PLPP4: variants seen among roughly 807,000 people sequenced by gnomAD.
PLPP4 encodes the protein diacylglycerol pyrophosphate like 2.
Under a neutral mutation model 32.2 loss-of-function variants are expected in PLPP4, and 20 were observed. That is an observed-to-expected ratio of 0.62 (90% confidence interval 0.44 to 0.90). The LOEUF is 0.90. Among genes scored for constraint, PLPP4 ranks in the 40% least tolerant of loss-of-function variants. The pLI is 0.00. For missense variants in PLPP4, 257 were observed against 353.1 expected (o/e 0.73, Z 2.18); for synonymous variants, 127 against 133.0 (o/e 0.95, Z 0.31).
chr10:120,499,632 A>G (rs1328751271), intron 1 of PLPP4, among the ~76,000 whole-genome samples: 1 of 152,130 alleles, frequency 6.6e-6, no homozygotes, highest in Non-Finnish European at 1.5e-5. Flanking sequence ...GGTTTGATCT[A>G]CAGATCGGCA....
intron 3 of PLPP4, among the ~76,000 whole-genome samples, chr10:120,516,263 G>T (rs1482117358): frequency 6.6e-6 from 1 of 152,180 alleles, no homozygotes; most frequent in Non-Finnish European, 1.5e-5. Flanking sequence ...CGACCAGGAG[G>T]TTTAGTTCTT....
chr10:120,532,207 C>T (rs1310158826), intron 5 of PLPP4, among the ~76,000 whole-genome samples: 1 of 152,110 alleles, frequency 6.6e-6, no homozygotes, highest in Non-Finnish European at 1.5e-5. Flanking sequence ...TGATGGTTTC[C>T]AGCTTCATCC....
intron 5 of PLPP4, among the ~76,000 whole-genome samples, chr10:120,560,782 TATTA>T (rs1276199781): frequency 6.6e-6 from 1 of 152,060 alleles, no homozygotes; most frequent in African/African-American, 2.4e-5. Flanking sequence ...AAAATAGTGG[TATTA>T]ATTTTAATGG....
intron 1 of PLPP4, among the ~76,000 whole-genome samples, chr10:120,487,871 G>C (rs1357229219): frequency 6.6e-6 from 1 of 152,238 alleles, no homozygotes; most frequent in African/African-American, 2.4e-5. Context: ...CTGGCTTCCA[G>C]AGTTGGTGGC....
chr10:120,549,275 A>G (rs1847776267), intron 5 of PLPP4, among the ~76,000 whole-genome samples: 1 of 151,298 alleles, frequency 6.6e-6, no homozygotes, highest in South Asian at 2.1e-4. Flanking sequence ...ATGCCAACAA[A>G]TTTAAAAACT....
intron 1 of PLPP4, among the ~76,000 whole-genome samples, chr10:120,496,422 A>T (rs904661614): frequency 6.6e-6 from 1 of 152,130 alleles, no homozygotes; most frequent in African/African-American, 2.4e-5. Flanking sequence ...TGTGATAGAT[A>T]CATACCTTGG....
chr10:120,586,696 C>A (rs533389973), intron 6 of PLPP4, among the ~76,000 whole-genome samples: 1 of 152,300 alleles, frequency 6.6e-6, no homozygotes, highest in East Asian at 1.9e-4. Flanking sequence ...ATGCTGTGAG[C>A]AAGATGTTGG....
At chr10:120,466,948 A>G (rs1848350783) in intron 1 of PLPP4, among the ~76,000 whole-genome samples, 1 of 152,224 alleles carries the variant, frequency 6.6e-6, no homozygotes. Context: ...GTGTAATAAT[A>G]ATGACAATGA....
intron 2 of PLPP4, among the ~76,000 whole-genome samples, chr10:120,506,665 T>A (rs1303948088): frequency 6.6e-6 from 1 of 152,234 alleles, no homozygotes; most frequent in Non-Finnish European, 1.5e-5. Flanking sequence ...GTCATCTGTG[T>A]GCAATTTAGA....
chr10:120,589,346 T>C lies in PLPP4; in HGVS notation c.660T>C (p.Ile220=). The C allele has an allele frequency of 6.2e-7, 1 of 1,614,158 alleles. No individual in the cohort carries two copies. Among genetic ancestry groups the C allele is most frequent in the Non-Finnish European group, 8.5e-7 (1 of 1,180,030 alleles). ...GGVIGLIFAY[I]CYRQHYPPLA... ...TCATCGGCCTCATTTTTGCATACAT[T>C]TGCTACAGACAGCACTATCCTCCTC... is the stretch of plus-strand genomic sequence containing the variant. Residue 220 remains isoleucine (I), a synonymous_variant, in exon 7 of 7, where the codon ATT becomes ATC. Coordinates refer to ENST00000398250, the MANE Select transcript of PLPP4 (RefSeq NM_001030059.3).
chr10:120,523,255 T>C (rs901128414), intron 5 of PLPP4, among the ~76,000 whole-genome samples: 6 of 151,988 alleles, frequency 3.9e-5, no homozygotes, highest in Non-Finnish European at 8.8e-5. Flanking sequence ...TGACCTAAGA[T>C]TGTGCCAGTG....
intron 1 of PLPP4, among the ~76,000 whole-genome samples, chr10:120,472,416 T>C (rs925200125): frequency 3.3e-5 from 5 of 152,148 alleles, no homozygotes; most frequent in Non-Finnish European, 7.4e-5. Context: ...TTGCATTATC[T>C]TGTGGATTCC....
At chr10:120,521,474 A>G (rs1846152733) in intron 5 of PLPP4, among the ~76,000 whole-genome samples, 1 of 152,238 alleles carries the variant, frequency 6.6e-6, no homozygotes, top group Admixed American at 6.5e-5. Context: ...GTGTACACAA[A>G]TATATAGCAC....
chr10:120,581,754 G>A (rs144090345), intron 6 of PLPP4, among the ~76,000 whole-genome samples: 16 of 152,014 alleles, frequency 1.1e-4, no homozygotes, highest in East Asian at 3.9e-4. Flanking sequence ...CACCTTCTCC[G>A]TCTCGTGATG....
chr10:120,474,305 T>C (rs1445143317), intron 1 of PLPP4, among the ~76,000 whole-genome samples: 1 of 151,878 alleles, frequency 6.6e-6, no homozygotes, highest in Non-Finnish European at 1.5e-5. Context: ...TTTTTACTTT[T>C]ACCATGACTA....
chr10:120,457,062 A>C, upstream of PLPP4: 4 of 190,878 alleles, frequency 2.1e-5, no homozygotes, highest in Non-Finnish European at 4.2e-5. Context: ...GCTCCGCACT[A>C]GGAGGCGGGG....
intron 6 of PLPP4, among the ~76,000 whole-genome samples, chr10:120,581,517 A>G (rs1849508600): frequency 6.6e-6 from 1 of 152,118 alleles, no homozygotes; most frequent in Non-Finnish European, 1.5e-5. Context: ...GTGTCCTGCC[A>G]TGGTCCATAA....
intron 1 of PLPP4, chr10:120,503,517 T>G: frequency 6.3e-7 from 1 of 1,579,976 alleles, no homozygotes; most frequent in Non-Finnish European, 8.6e-7. Context: ...CTGACTTCAG[T>G]TTCCAGTTTA....
At chr10:120,537,176 A>G (rs1198394607) in intron 5 of PLPP4, among the ~76,000 whole-genome samples, 1 of 152,216 alleles carries the variant, frequency 6.6e-6, no homozygotes, top group Non-Finnish European at 1.5e-5. Flanking sequence ...TGATCAAGCA[A>G]TCTCACTTCT....
Sources: allele counts gnomAD v4.1 joint callset (sites outside exome capture counted in the v4.1 genomes callset), GRCh38; gene constraint gnomAD v4.1.1; transcripts MANE v1.5; gene names NCBI Gene and HGNC (gene_info 2026-07-23, HGNC 2026-07-21).